SLC16A10: variants seen among roughly 807,000 people sequenced by gnomAD.
SLC16A10 encodes solute carrier family 16 member 10.
A neutral mutation model predicts 40.0 loss-of-function variants in SLC16A10; 27 were observed. The observed-to-expected ratio is 0.67, with a 90% CI of 0.50 to 0.93. The LOEUF is 0.93. SLC16A10 is among the 40% of genes least tolerant of loss of function. The pLI, the probability that SLC16A10 is intolerant of heterozygous loss-of-function variation, is 0.00. For synonymous variants in SLC16A10, 213 were observed against 249.8 expected, an observed-to-expected ratio of 0.85 and a Z score of 1.39; for missense variants, 529 against 658.2, an observed-to-expected ratio of 0.80 and a Z score of 2.15.
At chr6:111,141,686 A>G (rs115663620) in intron 1 of SLC16A10, among the ~76,000 whole-genome samples, 2,656 of 152,264 alleles carry the variant, frequency 0.017, 72 homozygotes, top group African/African-American at 0.06. Flanking sequence ...AACAAAAAAC[A>G]CAGTACCATT....
intron 1 of SLC16A10, among the ~76,000 whole-genome samples, chr6:111,166,975 ATTT>A (rs1453107980): frequency 6.6e-6 from 1 of 152,222 alleles, no homozygotes; most frequent in Non-Finnish European, 1.5e-5. Flanking sequence ...CATCTTGCAC[ATTT>A]TTGGCATCTA....
chr6:111,193,963 G>A (rs1404963961), intron 3 of SLC16A10, among the ~76,000 whole-genome samples: 1 of 152,188 alleles, frequency 6.6e-6, no homozygotes, highest in Middle Eastern at 3.2e-3. Flanking sequence ...TGTGGGAAGT[G>A]TCCTAACACC....
chr6:111,188,811 T>C (rs62421931), intron 3 of SLC16A10, among the ~76,000 whole-genome samples: 15,856 of 152,250 alleles, frequency 0.1, 945 homozygotes, highest in Non-Finnish European at 0.14. Context: ...TATGCACATA[T>C]ACATTTTATG....
intron 1 of SLC16A10, among the ~76,000 whole-genome samples, chr6:111,142,241 A>G (rs1256204690): frequency 6.6e-6 from 1 of 152,216 alleles, no homozygotes; most frequent in Non-Finnish European, 1.5e-5. Flanking sequence ...TCTTTGACAA[A>G]GGAGCAAAGG....
chr6:111,154,303 A>G (rs1011922124), intron 1 of SLC16A10, among the ~76,000 whole-genome samples: 3 of 152,234 alleles, frequency 2.0e-5, no homozygotes, highest in African/African-American at 2.4e-5. Context: ...TTTTAGAAGC[A>G]TAAAACACTG....
At chr6:111,221,678 C>CA (rs956739097) in intron 5 of SLC16A10, among the ~76,000 whole-genome samples, 1 of 151,356 alleles carries the variant, frequency 6.6e-6, no homozygotes, top group Non-Finnish European at 1.5e-5. Flanking sequence ...CTTGGGAAGT[C>CA]AAGGCCTGCA....
chr6:111,214,901 C>T (rs1027539411), intron 4 of SLC16A10, among the ~76,000 whole-genome samples: 4 of 151,926 alleles, frequency 2.6e-5, no homozygotes, highest in Admixed American at 1.3e-4. Flanking sequence ...AGGCAGATCA[C>T]GAGGTCAAGA....
At chr6:111,212,966 A>G (rs1773368824) in intron 4 of SLC16A10, among the ~76,000 whole-genome samples, 1 of 152,156 alleles carries the variant, frequency 6.6e-6, no homozygotes, top group African/African-American at 2.4e-5. Flanking sequence ...GTATCTTTTT[A>G]CTATTTTCTT....
intron 3 of SLC16A10, among the ~76,000 whole-genome samples, chr6:111,204,343 G>A (rs1021264383): frequency 6.6e-6 from 1 of 152,188 alleles, no homozygotes; most frequent in Non-Finnish European, 1.5e-5. Flanking sequence ...TTGGGGGGCA[G>A]GCAATTTGTG....
At chr6:111,101,913 G>A (rs1470831825) in intron 1 of SLC16A10, among the ~76,000 whole-genome samples, 1 of 152,210 alleles carries the variant, frequency 6.6e-6, no homozygotes, top group Non-Finnish European at 1.5e-5. Context: ...CAGCCACTGG[G>A]CCTGGCAGAA....
chr6:111,221,950 C>G, intron 5 of SLC16A10, 53 bp from the exon 6 acceptor site: 1 of 1,541,998 alleles, frequency 6.5e-7, no homozygotes, highest in Non-Finnish European at 8.7e-7. Flanking sequence ...TGATCTAGAC[C>G]CCCTACAGAG....
chr6:111,110,539 A>G (rs184397104), intron 1 of SLC16A10, among the ~76,000 whole-genome samples: 1 of 152,210 alleles, frequency 6.6e-6, no homozygotes, highest in Non-Finnish European at 1.5e-5. Context: ...GAGAGAAGAA[A>G]GTAAGAATGG....
rs1338879768 is a variant in SLC16A10, at chr6:111,087,748, G to C, written c.-5G>C. 8.3e-7 allele frequency: 1 copy of C among 1,208,738 alleles called. No individual in the cohort carries two copies. The highest frequency in any genetic ancestry group is 1.0e-6 in the Non-Finnish European group (1 of 973,106). The allele number at this position is 1,208,738 out of a possible 1,614,324, so 74.9% of individuals were successfully genotyped here. A position where few individuals can be genotyped will look rare whatever the true frequency, so the allele number is the denominator to read the frequency against. ...CTCCGGCGCCTGAGGGGCCCGCCTC[G>C]GGCCATGGTGCTCTCCCAGGAGGAG... On this transcript the variant is annotated 5_prime_UTR_variant, in exon 1 of 6. Transcript: ENST00000368851.
rs1180459222 is a variant in SLC16A10 at position 111,177,631 on chromosome 6, C to T, written c.908C>T (p.Ala303Val). Reference protein sequence around the residue: ...YAVWAVGIPLALFGYFVPYVH... With the variant: ...YAVWAVGIPLVLFGYFVPYVH... ...GTGTGGGCAGTTGGAATACCACTTG[C>T]ACTTTTTGGATACTTTGTGCCTTAT... Residue 303 changes from alanine to valine, a missense_variant, in exon 3 of 6, where the codon GCA becomes GTA. Transcript: ENST00000368851. 1.9e-6 allele frequency: 3 copies of T among 1,576,402 alleles called. No individual in the cohort carries two copies. The highest frequency in any genetic ancestry group is 2.6e-6 in the Non-Finnish European group (3 of 1,161,802).
intron 3 of SLC16A10, among the ~76,000 whole-genome samples, chr6:111,187,407 C>T (rs892810702): frequency 6.6e-6 from 1 of 151,988 alleles, no homozygotes; most frequent in Non-Finnish European, 1.5e-5. Flanking sequence ...TACTTAAGTG[C>T]CTGCCAAAAA....
rs1487888987 is a variant in SLC16A10 at position 111,226,554 on chromosome 6, A to G, written c.*4319A>G. Reference sequence around the variant, plus strand: ...TTGCTGGTATAAACATTAAGGAGCAACTTTTACATTAGGTCAAAGATTGTT... The same window carrying G: ...TTGCTGGTATAAACATTAAGGAGCAGCTTTTACATTAGGTCAAAGATTGTT... On this transcript the variant is annotated 3_prime_UTR_variant, in exon 6 of 6. Coordinates refer to ENST00000368851, the MANE Select transcript of SLC16A10 (RefSeq NM_018593.5). The G allele has an allele frequency of 6.6e-6, 1 of 152,244 alleles. No homozygotes were observed. The highest frequency in any genetic ancestry group is 1.5e-5 in the Non-Finnish European group (1 of 68,046). 9.4% of individuals were successfully genotyped at this position (152,244 alleles called of 1,614,324 possible). A position where few individuals can be genotyped will look rare whatever the true frequency, so the allele number is the denominator to read the frequency against.
intron 1 of SLC16A10, among the ~76,000 whole-genome samples, chr6:111,131,692 G>A (rs980160056): frequency 2.6e-5 from 4 of 152,224 alleles, no homozygotes; most frequent in African/African-American, 9.6e-5. Flanking sequence ...TGGGTTGGGA[G>A]CGTTGGGCTG....
intron 3 of SLC16A10, among the ~76,000 whole-genome samples, chr6:111,204,854 T>C (rs946025079): frequency 1.3e-5 from 2 of 152,220 alleles, no homozygotes; most frequent in African/African-American, 4.8e-5. Context: ...TCGACTGAAG[T>C]ATATGTCCTT....
intron 1 of SLC16A10, among the ~76,000 whole-genome samples, chr6:111,100,976 CTCTCTCTCTCTCTCTCTA>C (rs1562397128): frequency 6.0e-4 from 74 of 122,986 alleles, no homozygotes; most frequent in African/African-American, 2.2e-3. Context: ...CTCTCTCTCT[CTCTCTCTCTCTCTCTCTA>C]TATATATATA....
Sources: gnomAD v4.1 joint callset for allele counts (sites outside exome capture counted in the v4.1 genomes callset) on GRCh38, gnomAD v4.1.1 for gene constraint, MANE v1.5 for transcripts, NCBI Gene and HGNC (gene_info 2026-07-23, HGNC 2026-07-21) for gene names.